TMEM150C: variants seen among roughly 807,000 people sequenced by gnomAD.
The protein encoded by TMEM150C is transmembrane protein 150C, also known as tentonin 3.
In TMEM150C, 10 loss-of-function variants were observed where a neutral mutation model predicts 29.9. The observed-to-expected ratio is 0.33, with a 90% CI of 0.21 to 0.57. TMEM150C has a LOEUF of 0.57. TMEM150C is among the 20% of genes least tolerant of loss of function. The pLI is 0.88. For synonymous variants in TMEM150C, 101 were observed against 112.5 expected, an observed-to-expected ratio of 0.90 and a Z score of 0.64; for missense variants, 251 against 303.6, an observed-to-expected ratio of 0.83 and a Z score of 1.29.
At chr4:82,504,323 C>A (rs1204134098) in intron 2 of TMEM150C, among the ~76,000 whole-genome samples, 2 of 152,102 alleles carry the variant, frequency 1.3e-5, no homozygotes, top group Non-Finnish European at 2.9e-5. Flanking sequence ...TGTGCCTCAG[C>A]CCCCCGAGTA....
chr4:82,494,030 A>G (rs1723457896), intron 6 of TMEM150C, among the ~76,000 whole-genome samples: 1 of 152,148 alleles, frequency 6.6e-6, no homozygotes. Flanking sequence ...TGAGGGTAGG[A>G]CAAGAAATGG....
At chr4:82,536,422 G>T (rs980207924) in intron 1 of TMEM150C, among the ~76,000 whole-genome samples, 3 of 151,566 alleles carry the variant, frequency 2.0e-5, no homozygotes, top group African/African-American at 7.3e-5. Context: ...TTTTAAACGG[G>T]GAAAAAATGA....
chr4:82,502,223 T>C (rs977369897), intron 5 of TMEM150C, among the ~76,000 whole-genome samples: 1 of 152,184 alleles, frequency 6.6e-6, no homozygotes, highest in Non-Finnish European at 1.5e-5. Context: ...CTTTTTAAGC[T>C]TACTTCTCCA....
intron 1 of TMEM150C, among the ~76,000 whole-genome samples, chr4:82,547,306 C>T (rs1199675530): frequency 4.0e-5 from 6 of 151,330 alleles, no homozygotes; most frequent in Admixed American, 1.3e-4. Flanking sequence ...AAGGTTTAAT[C>T]AGCTGGGCGC....
At chr4:82,518,612 A>G (rs1724374861) in intron 1 of TMEM150C, among the ~76,000 whole-genome samples, 1 of 151,932 alleles carries the variant, frequency 6.6e-6, no homozygotes, top group African/African-American at 2.4e-5. Flanking sequence ...GTTTGGGGGG[A>G]TCATCCTTTG....
chr4:82,541,939 A>T (rs1725214386), intron 1 of TMEM150C, among the ~76,000 whole-genome samples: 1 of 152,156 alleles, frequency 6.6e-6, no homozygotes, highest in African/African-American at 2.4e-5. Flanking sequence ...TATGGTCTGG[A>T]CTCTAGGGCT....
chr4:82,492,864 G>GTGTGTATATATATATATATA (rs71666742), intron 6 of TMEM150C, among the ~76,000 whole-genome samples: 2 of 90,272 alleles, frequency 2.2e-5, no homozygotes, highest in African/African-American at 7.9e-5. Context: ...ATATGTTTGT[G>GTGTGTATATATATATATATA]TATATATATA....
chr4:82,512,422 T>C (rs1310486048), intron 1 of TMEM150C, among the ~76,000 whole-genome samples: 2 of 152,236 alleles, frequency 1.3e-5, no homozygotes, highest in African/African-American at 4.8e-5. Flanking sequence ...GCTTTATTAC[T>C]GTAGGGTGGT....
rs1044021494 is a variant in TMEM150C at position 82,553,058 on chromosome 4, A to C, written c.-11+8848T>G. On this transcript the variant is annotated intron_variant, in intron 1 of 7. Transcript: ENST00000449862. ...TTAATCAAAATTAAAAATTCAGTCA[A>C]TAACAGGCTAGCCAGTGCATTGTCA... 2.6e-5 allele frequency among the ~76,000 whole-genome samples: 4 copies of C among 152,228 alleles called. No individual in the cohort carries two copies. In the East Asian group the frequency reaches 7.7e-4, roughly 29 times the overall value.
chr4:82,503,551 C>A (rs1723801522), intron 2 of TMEM150C, among the ~76,000 whole-genome samples: 2 of 152,138 alleles, frequency 1.3e-5, no homozygotes, highest in African/African-American at 4.8e-5. Flanking sequence ...TAATGATATT[C>A]ATTTTATAAA....
intron 5 of TMEM150C, among the ~76,000 whole-genome samples, chr4:82,501,844 A>ACGT (rs1346166229): frequency 6.6e-6 from 1 of 152,016 alleles, no homozygotes; most frequent in African/African-American, 2.4e-5. Context: ...TTTGGGAGAC[A>ACGT]CGTCCCACAA....
intron 1 of TMEM150C, among the ~76,000 whole-genome samples, chr4:82,526,315 C>T (rs1240922749): frequency 1.3e-5 from 2 of 152,214 alleles, no homozygotes; most frequent in East Asian, 1.9e-4. Flanking sequence ...AAGTAGAACA[C>T]ATTTCTTCTG....
At chr4:82,522,262 C>T (rs566359131) in intron 1 of TMEM150C, among the ~76,000 whole-genome samples, 1 of 152,226 alleles carries the variant, frequency 6.6e-6, no homozygotes, top group South Asian at 2.1e-4. Flanking sequence ...TCACCAAAAT[C>T]CACAAGCGAC....
intron 1 of TMEM150C, among the ~76,000 whole-genome samples, chr4:82,518,013 A>G (rs955835195): frequency 6.6e-6 from 1 of 152,172 alleles, no homozygotes; most frequent in East Asian, 1.9e-4. Flanking sequence ...ACTAAAAAAT[A>G]TTCTCAGAAA....
intron 1 of TMEM150C, among the ~76,000 whole-genome samples, chr4:82,519,641 G>A (rs1299525038): frequency 1.3e-5 from 2 of 152,050 alleles, no homozygotes; most frequent in African/African-American, 4.8e-5. Context: ...TGGCCAGGCT[G>A]GTCTCGAACT....
chr4:82,529,282 C>T (rs1724758794), intron 1 of TMEM150C, among the ~76,000 whole-genome samples: 1 of 129,744 alleles, frequency 7.7e-6, no homozygotes. Flanking sequence ...TCCCTTCCTT[C>T]CTTCCTTCCT....
At chr4:82,505,730 G>GA (rs1258913527) in intron 1 of TMEM150C, among the ~76,000 whole-genome samples, 1 of 151,868 alleles carries the variant, frequency 6.6e-6, no homozygotes, top group Non-Finnish European at 1.5e-5. Context: ...TAAATAGACT[G>GA]AAAAAAATAC....
Position 82,485,459 on chromosome 4 carries a change from G to A in TMEM150C, c.*52C>T. 7 of 1,392,646 alleles carry A rather than the reference G, an allele frequency of 5.0e-6. No individual in the cohort carries two copies. Among genetic ancestry groups the A allele is most frequent in the Non-Finnish European group, 7.0e-6 (7 of 1,003,222 alleles). 86.3% of individuals were successfully genotyped at this position (1,392,646 alleles called of 1,614,324 possible). A position where few individuals can be genotyped will look rare whatever the true frequency, so the allele number is the denominator to read the frequency against. On this transcript the variant is annotated 3_prime_UTR_variant, in exon 8 of 8. Transcript: ENST00000449862. ...TCAAGTCCTGTGAGTGTGTCCTACT[G>A]GCCCCTCCCCCACTGTCACACCCAC... is the stretch of plus-strand genomic sequence containing the variant.
intron 1 of TMEM150C, among the ~76,000 whole-genome samples, chr4:82,551,618 C>T (rs1190540567): frequency 6.6e-6 from 1 of 152,176 alleles, no homozygotes; most frequent in Non-Finnish European, 1.5e-5. Flanking sequence ...CCCCTTTTCA[C>T]GTGACTACTC....
Sources: allele counts gnomAD v4.1 joint callset (sites outside exome capture counted in the v4.1 genomes callset), GRCh38; gene constraint gnomAD v4.1.1; transcripts MANE v1.5; gene names NCBI Gene and HGNC (gene_info 2026-07-23, HGNC 2026-07-21).